Variants in PKD1L1 observed in about 807,000 individuals in gnomAD.
PKD1L1 encodes the protein polycystin-1-like protein 1.
In PKD1L1, 236 loss-of-function variants were observed where a neutral mutation model predicts 323.4. The observed-to-expected ratio is 0.73, with a 90% CI of 0.66 to 0.81. PKD1L1 has a LOEUF of 0.81. Among genes scored for constraint, PKD1L1 ranks in the 40% least tolerant of loss-of-function variants. The pLI is 0.00. For synonymous variants in PKD1L1, 1,344 were observed against 1,335.0 expected, an observed-to-expected ratio of 1.01 and a Z score of -0.15; for missense variants, 3,320 against 3,508.0, an observed-to-expected ratio of 0.95 and a Z score of 1.35.
chr7:47,932,186 C>A, intron 4 of PKD1L1, 130 bp from the exon 5 acceptor site: 1 of 1,403,052 alleles, frequency 7.1e-7, no homozygotes, highest in Non-Finnish European at 9.6e-7. Context: ...TGATTGCAGG[C>A]TCATTCCTGG....
In PKD1L1 at chr7:47,904,489, C is replaced by T; in HGVS notation, c.1820G>A (p.Ser607Asn). ...TSPSSALVNA[S>N]VAFECWINFG... Reference sequence around the variant, plus strand: ...GTTGATCCAGCACTCAAAGGCCACACTGGCATTTACCAGAGCTGAGGAGGG... The same window carrying T: ...GTTGATCCAGCACTCAAAGGCCACATTGGCATTTACCAGAGCTGAGGAGGG... Residue 607 changes from serine (S) to asparagine (N), a missense_variant, in exon 12 of 57, where the codon AGT (serine) becomes AAT (asparagine). Physicochemically the swap from Ser to Asn is conservative, Grantham distance 46. Coordinates refer to ENST00000289672, the MANE Select transcript of PKD1L1 (RefSeq NM_138295.5). The T allele has an allele frequency of 1.2e-6, 2 of 1,614,192 alleles. No homozygotes were observed. Among genetic ancestry groups the T allele is most frequent in the Non-Finnish European group, 1.7e-6 (2 of 1,180,030 alleles).
chr7:47,928,084 G>A (rs1214026383), intron 7 of PKD1L1, among the ~76,000 whole-genome samples: 1 of 152,198 alleles, frequency 6.6e-6, no homozygotes, highest in Non-Finnish European at 1.5e-5. Context: ...GATACTGTGT[G>A]TGGTATACTT....
At chr7:47,910,886 C>A (rs889559942) in intron 8 of PKD1L1, among the ~76,000 whole-genome samples, 4 of 137,020 alleles carry the variant, frequency 2.9e-5, no homozygotes, top group Non-Finnish European at 6.2e-5. Context: ...CAGGATTTCA[C>A]CATGTTGGCC....
chr7:47,941,804 A>G (rs1384560975), intron 2 of PKD1L1, among the ~76,000 whole-genome samples: 2 of 152,090 alleles, frequency 1.3e-5, no homozygotes, highest in African/African-American at 4.8e-5. Context: ...AATTATCTGG[A>G]AAAAAAAGTG....
chr7:47,781,409 GTT>G (rs60759497), intron 56 of PKD1L1, among the ~76,000 whole-genome samples: 3 of 71,770 alleles, frequency 4.2e-5, no homozygotes, highest in Non-Finnish European at 5.8e-5. Flanking sequence ...GTTTTGTTTT[GTT>G]TTTTTTTTTT....
intron 21 of PKD1L1, 126 bp from the exon 22 acceptor site, chr7:47,877,757 G>A (rs948173552): frequency 1.5e-5 from 16 of 1,095,662 alleles, no homozygotes; most frequent in Admixed American, 8.6e-5. Context: ...CAGCAGCATC[G>A]GACTAACCTG....
chr7:47,880,280 A>ATTTTT (rs1380647150), intron 21 of PKD1L1, among the ~76,000 whole-genome samples: 2 of 71,556 alleles, frequency 2.8e-5, no homozygotes, highest in African/African-American at 7.5e-5. Context: ...ATATATATAT[A>ATTTTT]TATATTTTTT....
rs146750610 is a variant in PKD1L1 at position 47,915,452 on chromosome 7, A to G, written c.1208T>C (p.Leu403Pro). 8.5e-3 allele frequency: 8,281 copies of G among 975,034 alleles called. 53 individuals carry two copies. The highest frequency in any genetic ancestry group is 0.013 in the Middle Eastern group (64 of 4,834). 60.4% of individuals were successfully genotyped at this position (975,034 alleles called of 1,614,324 possible). Residue 403 changes from leucine (L) to proline (P), a missense_variant, in exon 8 of 57, where the codon CTT becomes CCT. Leu to Pro is a moderately conservative substitution (Grantham distance 98, BLOSUM62 -3). Coordinates refer to ENST00000289672, the MANE Select transcript of PKD1L1 (RefSeq NM_138295.5). ...CATACTGGTGACAAAGGCAGAAATA[A>G]GCTCATATCCAAGGTTACTGGGGTC... is the stretch of plus-strand genomic sequence containing the variant. The part of the protein sequence containing the change: ...DSDPSNLGYE[L>P]ISAFVTKGVY...
At chr7:47,871,255 G>GCTTT (rs138664786) in intron 24 of PKD1L1, among the ~76,000 whole-genome samples, 1 of 70,852 alleles carries the variant, frequency 1.4e-5, no homozygotes. Context: ...TTGTATCTTA[G>GCTTT]TTTGTGCTAT....
At chr7:47,842,338 TCCACAC>T (rs1785578713) in intron 34 of PKD1L1, among the ~76,000 whole-genome samples, 1 of 152,124 alleles carries the variant, frequency 6.6e-6, no homozygotes, top group Admixed American at 6.5e-5. Flanking sequence ...CTCTTTCTCA[TCCACAC>T]CCCAATCCTA....
chr7:47,904,673 C>A, intron 11 of PKD1L1, 56 bp from the exon 12 acceptor site: 3 of 1,569,530 alleles, frequency 1.9e-6, no homozygotes, highest in East Asian at 4.5e-5. Context: ...AGAACAGGGT[C>A]AGGTCTAGAG....
intron 21 of PKD1L1, among the ~76,000 whole-genome samples, chr7:47,879,660 A>G (rs57671564): frequency 0.27 from 28,083 of 104,770 alleles, 6,652 homozygotes; most frequent in African/African-American, 0.49. Context: ...AAGGCCAGGC[A>G]CGGTGGCTCA....
intron 53 of PKD1L1, among the ~76,000 whole-genome samples, chr7:47,801,762 C>T (rs1784667001): frequency 6.6e-6 from 1 of 152,238 alleles, no homozygotes; most frequent in African/African-American, 2.4e-5. Flanking sequence ...TATGAGTCTA[C>T]AACTGGACAA....
chr7:47,834,821 AC>A, intron 39 of PKD1L1, 145 bp downstream of exon 39: 1 of 653,068 alleles, frequency 1.5e-6, no homozygotes, highest in Non-Finnish European at 2.5e-6. Context: ...AAATAAAATG[AC>A]TTTTACACAC....
chr7:47,902,323 A>C (rs1442942764), intron 13 of PKD1L1, 56 bp downstream of exon 13: 33 of 1,596,964 alleles, frequency 2.1e-5, no homozygotes, highest in African/African-American at 2.7e-5. Context: ...AGTGGTCCCA[A>C]CTCAGAGGGA....
intron 4 of PKD1L1, among the ~76,000 whole-genome samples, chr7:47,934,931 G>A (rs1787839168): frequency 6.6e-6 from 1 of 152,198 alleles, no homozygotes; most frequent in South Asian, 2.1e-4. Flanking sequence ...TTTGTAACCA[G>A]TGAGGGCCCA....
chr7:47,829,352 T>A, intron 44 of PKD1L1, 73 bp downstream of exon 44: 1 of 1,397,156 alleles, frequency 7.2e-7, no homozygotes, highest in Non-Finnish European at 9.6e-7. Flanking sequence ...AAAGCCTACA[T>A]TCAGATATGC....
chr7:47,796,866 G>C (rs911761053), intron 54 of PKD1L1, among the ~76,000 whole-genome samples: 9 of 150,684 alleles, frequency 6.0e-5, no homozygotes, highest in African/African-American at 2.0e-4. Flanking sequence ...TGGGTGTGGT[G>C]GTGGGCACCT....
intron 6 of PKD1L1, 122 bp downstream of exon 6, chr7:47,930,982 C>G (rs569071482): frequency 3.9e-6 from 4 of 1,038,364 alleles, no homozygotes; most frequent in Non-Finnish European, 5.6e-6. Context: ...TCACTGGACT[C>G]AACTGCAACT....
Sources: allele counts gnomAD v4.1 joint callset (sites outside exome capture counted in the v4.1 genomes callset), GRCh38; gene constraint gnomAD v4.1.1; transcripts MANE v1.5; gene names NCBI Gene and HGNC (gene_info 2026-07-23, HGNC 2026-07-21).